Variants in MLLT3 observed in about 807,000 individuals in gnomAD.
MLLT3 encodes MLLT3 super elongation complex subunit, also known as protein AF-9.
Under a neutral mutation model 53.2 loss-of-function variants are expected in MLLT3, and 4 were observed. That is an observed-to-expected ratio of 0.08 (90% confidence interval 0.04 to 0.17). The LOEUF is 0.17. Among genes scored for constraint, MLLT3 ranks in the 10% least tolerant of loss-of-function variants. MLLT3 has a pLI of 1.00. For missense variants in MLLT3, 569 were observed against 684.0 expected, an observed-to-expected ratio of 0.83 and a Z score of 1.87; for synonymous variants, 283 against 230.6, an observed-to-expected ratio of 1.23 and a Z score of -2.06.
At chr9:20,586,521 C>T (rs1313466822) in intron 2 of MLLT3, among the ~76,000 whole-genome samples, 1 of 152,018 alleles carries the variant, frequency 6.6e-6, no homozygotes, top group African/African-American at 2.4e-5. Flanking sequence ...TGGACTGGTT[C>T]TCCTTAAAAA....
At chr9:20,421,201 T>A (rs1822999733) in intron 4 of MLLT3, among the ~76,000 whole-genome samples, 1 of 151,958 alleles carries the variant, frequency 6.6e-6, no homozygotes, top group South Asian at 2.1e-4. Flanking sequence ...GAGGTGGAGG[T>A]TTCAGTGAGC....
intron 10 of MLLT3, among the ~76,000 whole-genome samples, chr9:20,352,986 G>A (rs922927536): frequency 3.3e-5 from 5 of 151,980 alleles, no homozygotes; most frequent in African/African-American, 1.2e-4. Flanking sequence ...ACTAATAGAA[G>A]TTTCCCCACT....
At chr9:20,418,292 G>C (rs10964557) in intron 4 of MLLT3, 7 of 152,178 alleles carry the variant, frequency 4.6e-5, no homozygotes, top group Non-Finnish European at 8.8e-5. Context: ...ATAACACAGA[G>C]GGATGACAAG....
At chr9:20,572,011 A>T (rs1819543853) in intron 2 of MLLT3, among the ~76,000 whole-genome samples, 1 of 152,240 alleles carries the variant, frequency 6.6e-6, no homozygotes, top group African/African-American at 2.4e-5. Context: ...ATGATCCACC[A>T]ATTTCACTTC....
intron 2 of MLLT3, among the ~76,000 whole-genome samples, chr9:20,514,350 C>A (rs1338194086): frequency 6.6e-6 from 1 of 152,096 alleles, no homozygotes; most frequent in Admixed American, 6.6e-5. Flanking sequence ...TGGGTGATAT[C>A]ATCTGGGATG....
At chr9:20,350,671 C>T (rs917722928) in intron 10 of MLLT3, among the ~76,000 whole-genome samples, 1 of 151,886 alleles carries the variant, frequency 6.6e-6, no homozygotes, top group African/African-American at 2.4e-5. Context: ...AACTGCTTAA[C>T]TCATTCTTCA....
chr9:20,383,465 G>A (rs1371118492), intron 5 of MLLT3, among the ~76,000 whole-genome samples: 1 of 151,802 alleles, frequency 6.6e-6, no homozygotes, highest in Non-Finnish European at 1.5e-5. Context: ...CTAGCTATGT[G>A]ACCTTAGCAC....
At chr9:20,505,961 A>G (rs1479175500) in intron 2 of MLLT3, among the ~76,000 whole-genome samples, 1 of 152,190 alleles carries the variant, frequency 6.6e-6, no homozygotes, top group African/African-American at 2.4e-5. Context: ...TACATTCCCA[A>G]AGATGGTACA....
chr9:20,505,887 A>G (rs1043609558), intron 2 of MLLT3, among the ~76,000 whole-genome samples: 1 of 152,180 alleles, frequency 6.6e-6, no homozygotes, highest in Non-Finnish European at 1.5e-5. Flanking sequence ...CCTCAGTGTG[A>G]TCCCAGCTCA....
At chr9:20,389,491 T>C (rs1465385542) in intron 5 of MLLT3, among the ~76,000 whole-genome samples, 2 of 152,126 alleles carry the variant, frequency 1.3e-5, no homozygotes, top group Non-Finnish European at 2.9e-5. Flanking sequence ...AAAACCACTT[T>C]AGACCAGGCA....
intron 3 of MLLT3, among the ~76,000 whole-genome samples, chr9:20,454,740 TA>T (rs1023493247): frequency 1.1e-4 from 17 of 152,150 alleles, no homozygotes; most frequent in Non-Finnish European, 1.6e-4. Flanking sequence ...CTTCATCACT[TA>T]AACTTCTAAG....
intron 3 of MLLT3, among the ~76,000 whole-genome samples, chr9:20,455,808 T>A: frequency 6.6e-6 from 1 of 152,084 alleles, no homozygotes; most frequent in East Asian, 1.9e-4. Context: ...AACCACCTTA[T>A]GAGGTAAGTA....
Position 20,346,700 on chromosome 9 carries a change from T to C in MLLT3, c.1576-126A>G, listed in dbSNP as rs952625672. ...AATATTCGTATTTATAGCAACAAGG[T>C]CCCATACCATGAATAGCATTAAACT... On this transcript the variant is annotated intron_variant, in intron 10 of 10. Coordinates refer to ENST00000380338, the MANE Select transcript of MLLT3 (RefSeq NM_004529.4). 23 of 864,942 alleles carry C rather than the reference T, an allele frequency of 2.7e-5. No individual in the cohort carries two copies. The South Asian group carries it at 2.9e-4, about 11-fold the overall frequency. The allele number at this position is 864,942 out of a possible 1,614,324, so 53.6% of individuals were successfully genotyped here.
Position 20,346,408 on chromosome 9 carries a change from C to T in MLLT3, c.*35G>A. 2 of 911,070 alleles carry T rather than the reference C, an allele frequency of 2.2e-6. No homozygotes were observed. The highest frequency in any genetic ancestry group is 2.9e-6 in the Non-Finnish European group (2 of 688,326). The allele number at this position is 911,070 out of a possible 1,614,324, so 56.4% of individuals were successfully genotyped here. A position where few individuals can be genotyped will look rare whatever the true frequency, so the allele number is the denominator to read the frequency against. On this transcript the variant is annotated 3_prime_UTR_variant, in exon 11 of 11. Coordinates refer to ENST00000380338, the MANE Select transcript of MLLT3 (RefSeq NM_004529.4). The stretch of plus-strand genomic sequence containing the variant: ...AAAAAAAAAAACCAAAAAAAAAAAA[C>T]ACAATAGTTCTTGATGCATCCAGTT...
At chr9:20,534,669 G>A (rs574884342) in intron 2 of MLLT3, among the ~76,000 whole-genome samples, 3 of 152,272 alleles carry the variant, frequency 2.0e-5, no homozygotes, top group Non-Finnish European at 4.4e-5. Context: ...GGCGGATCAC[G>A]AGGTCAGGAG....
chr9:20,458,716 A>G (rs1356266631), intron 2 of MLLT3, among the ~76,000 whole-genome samples: 1 of 152,180 alleles, frequency 6.6e-6, no homozygotes, highest in African/African-American at 2.4e-5. Flanking sequence ...TGGGACTTTC[A>G]GTCTCCAGAA....
At chr9:20,587,105 C>T (rs976657514) in intron 2 of MLLT3, among the ~76,000 whole-genome samples, 41 of 151,070 alleles carry the variant, frequency 2.7e-4, no homozygotes, top group African/African-American at 1.0e-3. Flanking sequence ...TGTTAATATA[C>T]CAATTTCCCT....
intron 2 of MLLT3, among the ~76,000 whole-genome samples, chr9:20,472,441 T>A (rs1435351803): frequency 1.3e-5 from 2 of 152,064 alleles, no homozygotes; most frequent in African/African-American, 4.8e-5. Flanking sequence ...TAAGGGCTTA[T>A]CCTCAAAAGG....
intron 5 of MLLT3, among the ~76,000 whole-genome samples, chr9:20,406,141 C>A (rs1324667432): frequency 6.6e-6 from 1 of 151,818 alleles, no homozygotes; most frequent in Non-Finnish European, 1.5e-5. Context: ...AAAAAAAAGC[C>A]TTCTCCTGTA....
Sources: allele counts gnomAD v4.1 joint callset (sites outside exome capture counted in the v4.1 genomes callset), GRCh38; gene constraint gnomAD v4.1.1; transcripts MANE v1.5; gene names NCBI Gene and HGNC (gene_info 2026-07-23, HGNC 2026-07-21).